PRDM4: variants seen among roughly 807,000 people sequenced by gnomAD.
PRDM4 encodes the protein PR domain zinc finger protein 4.
A neutral mutation model predicts 62.3 loss-of-function variants in PRDM4; 38 were observed. That is an observed-to-expected ratio of 0.61 (90% CI 0.47 to 0.80). The LOEUF (loss-of-function observed/expected upper bound fraction) is 0.80. PRDM4 is among the 30% of genes least tolerant of loss of function. The pLI, the probability that PRDM4 is intolerant of heterozygous loss-of-function variation, is 0.00. For missense variants in PRDM4, 858 were observed against 997.1 expected (o/e 0.86, Z 1.88); for synonymous variants, 339 against 348.2 (o/e 0.97, Z 0.30).
At position 107,753,908 on chromosome 12, in the gene PRDM4, T is replaced by G. The variant is rs1393196976; in HGVS notation, c.331+16A>C. On this transcript the variant is annotated intron_variant, in intron 4 of 11. Transcript: ENST00000228437. ...CGTTCTTTTTCTCTAACATCTCAAG[T>G]AACTGTAACACTTACCAGGTAGAAT... The G allele has an allele frequency of 1.9e-6, 3 of 1,591,102 alleles. No individual in the cohort carries two copies. Among genetic ancestry groups the G allele is most frequent in the Non-Finnish European group, 2.6e-6 (3 of 1,170,084 alleles).
intron 10 of PRDM4, among the ~76,000 whole-genome samples, chr12:107,740,691 A>C (rs1354537332): frequency 6.6e-6 from 1 of 152,140 alleles, no homozygotes; most frequent in African/African-American, 2.4e-5. Flanking sequence ...TCTATTTAAG[A>C]CCAAACACAT....
intron 2 of PRDM4, among the ~76,000 whole-genome samples, chr12:107,758,103 G>A (rs1266688346): frequency 1.3e-5 from 2 of 151,954 alleles, no homozygotes; most frequent in Non-Finnish European, 2.9e-5. Context: ...ATCTAAATAG[G>A]TTTTTAATTC....
chr12:107,757,857 T>G (rs1891109897), intron 2 of PRDM4, among the ~76,000 whole-genome samples: 1 of 152,226 alleles, frequency 6.6e-6, no homozygotes, highest in Admixed American at 6.5e-5. Flanking sequence ...GTAATACTGA[T>G]TTGAATAAAA....
At chr12:107,734,820 G>C (rs921222250) in intron 11 of PRDM4, among the ~76,000 whole-genome samples, 1 of 152,054 alleles carries the variant, frequency 6.6e-6, no homozygotes, top group African/African-American at 2.4e-5. Context: ...TCAAGCTGCT[G>C]TATCAGTTGT....
chr12:107,756,987 T>C (rs1891085178), intron 2 of PRDM4, 22 bp from the exon 3 acceptor site: 1 of 1,612,012 alleles, frequency 6.2e-7, no homozygotes, highest in African/African-American at 1.3e-5. Context: ...CACACACAAC[T>C]AGTTATGCAA....
chr12:107,754,989 T>C (rs936809516), intron 3 of PRDM4: 2 of 152,242 alleles, frequency 1.3e-5, no homozygotes, highest in African/African-American at 2.4e-5. Flanking sequence ...CTTTGAGTTA[T>C]ATGTACTTGC....
At chr12:107,741,725 A>T (rs996762750) in intron 9 of PRDM4, among the ~76,000 whole-genome samples, 3 of 152,142 alleles carry the variant, frequency 2.0e-5, no homozygotes, top group Admixed American at 2.0e-4. Flanking sequence ...AAATACACAC[A>T]TACATAAGTA....
rs761289574 is a variant in PRDM4 at position 107,752,013 on chromosome 12, T to C, written c.528A>G (p.Gln176=). The C allele has an allele frequency of 1.7e-5, 28 of 1,614,068 alleles. No homozygotes were observed. Among genetic ancestry groups the C allele is most frequent in the Non-Finnish European group, 2.3e-5 (27 of 1,180,010 alleles). ...DSRSVNTHGA[Q]SLHPSDGHEV... Reference sequence around the variant, plus strand: ...CATGGCCATCACTGGGATGAAGACTTTGGGCACCATGTGTGTTCACAGAGC... The same window carrying C: ...CATGGCCATCACTGGGATGAAGACTCTGGGCACCATGTGTGTTCACAGAGC... Residue 176 remains glutamine (Q), a synonymous_variant, in exon 5 of 12, where the codon CAA becomes CAG. Transcript: ENST00000228437.
At chr12:107,742,076 C>A in intron 9 of PRDM4, 145 bp downstream of exon 9, 1 of 887,242 alleles carries the variant, frequency 1.1e-6, no homozygotes, top group Non-Finnish European at 1.6e-6. Context: ...GATTTTAACA[C>A]CTCAAATACA....
chr12:107,746,469 C>T, intron 5 of PRDM4, 45 bp from the exon 6 acceptor site: 3 of 1,456,412 alleles, frequency 2.1e-6, no homozygotes, highest in Non-Finnish European at 2.8e-6. Context: ...TTAGTTCAAG[C>T]AGGCTAAATT....
At chr12:107,758,025 G>A (rs1003428776) in intron 2 of PRDM4, among the ~76,000 whole-genome samples, 12 of 152,092 alleles carry the variant, frequency 7.9e-5, no homozygotes, top group African/African-American at 2.9e-4. Flanking sequence ...TATTCTCTGC[G>A]TATGGGAGGG....
rs1890425402 is a variant in PRDM4, at chr12:107,738,906, CA to C, written c.2093+476del. On this transcript the variant is annotated intron_variant, in intron 11 of 11. Transcript: ENST00000228437. ...ACACACACACACACACACACACACA[CA>C]CACACACCAACAGAACAGTTCCAAA... is the stretch of plus-strand genomic sequence containing the variant. Among the ~76,000 whole-genome samples the C allele has an allele frequency of 9.9e-5, 15 of 151,314 alleles. 1 individual carries two copies. The highest frequency in any genetic ancestry group is 3.4e-3 in the Middle Eastern group (1 of 294).
At chr12:107,737,690 G>C (rs566723367) in intron 11 of PRDM4, among the ~76,000 whole-genome samples, 41 of 152,146 alleles carry the variant, frequency 2.7e-4, no homozygotes, top group Non-Finnish European at 5.1e-4. Flanking sequence ...GGCTGGCCAC[G>C]AGAATCACTT....
Position 107,741,366 on chromosome 12 carries a change from A to G in PRDM4, c.1610-106T>C, listed in dbSNP as rs965632951. ...GTTCTCCTTTCTCTCCATATTTCCA[A>G]TTTGCCCACTTCCTATAAAACTAAA... On this transcript the variant is annotated intron_variant, in intron 9 of 11. Coordinates refer to ENST00000228437, the MANE Select transcript of PRDM4 (RefSeq NM_012406.4). 9 of 1,100,070 alleles carry G rather than the reference A, an allele frequency of 8.2e-6. No homozygotes were observed. In the African/African-American group the frequency reaches 1.4e-4, roughly 17 times the overall value. 68.1% of individuals were successfully genotyped at this position (1,100,070 alleles called of 1,614,324 possible). A position where few individuals can be genotyped will look rare whatever the true frequency, so the allele number is the denominator to read the frequency against.
chr12:107,752,291 A>G, intron 4 of PRDM4, 82 bp from the exon 5 acceptor site: 1 of 1,031,302 alleles, frequency 9.7e-7, no homozygotes, highest in South Asian at 1.5e-5. Context: ...ATTTCCTTAC[A>G]AACATAACTA....
At chr12:107,742,392 T>C (rs766794018) in intron 8 of PRDM4, 44 bp from the exon 9 acceptor site, 1 of 1,601,278 alleles carries the variant, frequency 6.2e-7, no homozygotes. Flanking sequence ...AATTTTGAAA[T>C]GCATACTAAG....
At chr12:107,757,108 T>TA (rs879871945) in intron 2 of PRDM4, 143 bp from the exon 3 acceptor site, 22 of 753,260 alleles carry the variant, frequency 2.9e-5, no homozygotes, top group Non-Finnish European at 4.2e-5. Context: ...ACAATTCTCT[T>TA]AGATAGCTAG....
In PRDM4 at chr12:107,733,871, A is replaced by T; in HGVS notation, c.*339T>A. 4.1e-6 allele frequency: 1 copy of T among 243,706 alleles called. No homozygotes were observed. Among genetic ancestry groups the T allele is most frequent in the South Asian group, 7.1e-5 (1 of 14,120 alleles). The allele number at this position is 243,706 out of a possible 1,614,324, so 15.1% of individuals were successfully genotyped here. On this transcript the variant is annotated 3_prime_UTR_variant, in exon 12 of 12. Transcript: ENST00000228437. ...ACCAGCAGGAAAATGGAATAATGGA[A>T]GAATGTGAAATAAATCTGATTTGTT...
In PRDM4 at chr12:107,742,089, T is replaced by C. The variant is rs1378130451; in HGVS notation, c.1609+132A>G. The C allele has an allele frequency of 4.1e-6, 4 of 976,480 alleles. No individual in the cohort carries two copies. In the Admixed American group the frequency reaches 1.2e-4, roughly 29 times the overall value. The allele number at this position is 976,480 out of a possible 1,614,324, so 60.5% of individuals were successfully genotyped here. A position where few individuals can be genotyped will look rare whatever the true frequency, so the allele number is the denominator to read the frequency against. On this transcript the variant is annotated intron_variant, in intron 9 of 11. Transcript: ENST00000228437. The stretch of plus-strand genomic sequence containing the variant: ...CAGATTTTAACACCTCAAATACAAG[T>C]AATAGTTTGCATTTATACAAACAAA...
Sources: allele counts gnomAD v4.1 joint callset (sites outside exome capture counted in the v4.1 genomes callset), GRCh38; gene constraint gnomAD v4.1.1; transcripts MANE v1.5; gene names NCBI Gene and HGNC (gene_info 2026-07-23, HGNC 2026-07-21).